The following DIAPH3 variants were observed in gnomAD, a reference collection of about 807,000 sequenced individuals.
The protein encoded by DIAPH3 is diaphanous related formin 3, also known as protein diaphanous homolog 3.
Under a neutral mutation model 144.3 loss-of-function variants are expected in DIAPH3, and 117 were observed. That is an observed-to-expected ratio of 0.81 (90% CI 0.70 to 0.95). The LOEUF (loss-of-function observed/expected upper bound fraction) is 0.95. Ranked by LOEUF, DIAPH3 falls within the 40% of genes least tolerant of loss-of-function variation. The pLI, the probability that DIAPH3 is intolerant of heterozygous loss-of-function variation, is 0.00. For missense variants in DIAPH3, 1,421 were observed against 1,412.7 expected (o/e 1.01, Z -0.09); for synonymous variants, 519 against 488.9 (o/e 1.06, Z -0.81).
At chr13:60,162,783 ACTCT>A (rs148955859) in intron 1 of DIAPH3, among the ~76,000 whole-genome samples, 3,910 of 132,802 alleles carry the variant, frequency 0.029, 158 homozygotes, top group African/African-American at 0.09. Context: ...CAAATGCTGT[ACTCT>A]CTCTCTCTCT....
In DIAPH3 at chr13:60,115,477, A is replaced by G. The variant is rs190706963; in HGVS notation, c.214-3291T>C. Reference sequence around the variant, plus strand: ...GTGACATTTTAAGTAGATACTCAACACACCTGAGCTCACCGGAATAGCAAC... The same window carrying G: ...GTGACATTTTAAGTAGATACTCAACGCACCTGAGCTCACCGGAATAGCAAC... On this transcript the variant is annotated intron_variant, in intron 2 of 27. Coordinates refer to ENST00000400324, the MANE Select transcript of DIAPH3 (RefSeq NM_001042517.2). Among the ~76,000 whole-genome samples the G allele has an allele frequency of 2.6e-5, 4 of 152,314 alleles. No individual in the cohort carries two copies. In the East Asian group the frequency reaches 7.7e-4, roughly 29 times the overall value.
intron 27 of DIAPH3, among the ~76,000 whole-genome samples, chr13:59,718,084 T>TACC (rs907082789): frequency 1.3e-5 from 2 of 151,032 alleles, no homozygotes; most frequent in African/African-American, 2.5e-5. Flanking sequence ...GTTTCAGACT[T>TACC]ATCACAACCT....
At chr13:59,929,551 G>GTTT (rs1733187385) in intron 17 of DIAPH3, among the ~76,000 whole-genome samples, 1 of 70,434 alleles carries the variant, frequency 1.4e-5, no homozygotes, top group African/African-American at 5.5e-5. Context: ...TCTAAATTTT[G>GTTT]TTCTTTTTTT....
rs56205887 is a variant in DIAPH3, at chr13:59,692,137, CTTT to C, written c.3320-25294_3320-25292del. 7.4e-4 allele frequency among the ~76,000 whole-genome samples: 43 copies of C among 58,184 alleles called. 1 individual carries two copies. Among genetic ancestry groups the C allele is most frequent in the Admixed American group, 3.3e-3 (14 of 4,272 alleles). The allele number at this position is 58,184 out of a possible 152,430, so 38.2% of individuals were successfully genotyped here. On this transcript the variant is annotated intron_variant, in intron 27 of 27. Transcript: ENST00000400324. ...AGATTACTCATAGCTTTGAGAAATT[CTTT>C]TTTTTTTTTTTTTTTTTTTTTTTTA...
intron 27 of DIAPH3, among the ~76,000 whole-genome samples, chr13:59,714,946 C>G (rs960872071): frequency 6.6e-6 from 1 of 151,644 alleles, no homozygotes; most frequent in African/African-American, 2.4e-5. Context: ...AGTCCATATT[C>G]TCCCTCTCCC....
chr13:59,978,577 A>C (rs1393004039), intron 14 of DIAPH3, among the ~76,000 whole-genome samples: 1 of 151,772 alleles, frequency 6.6e-6, no homozygotes, highest in Non-Finnish European at 1.5e-5. Flanking sequence ...ACTTGCTAAT[A>C]CTAAAGTAAC....
chr13:59,779,760 C>A (rs755292593), intron 25 of DIAPH3, among the ~76,000 whole-genome samples: 1 of 152,034 alleles, frequency 6.6e-6, no homozygotes, highest in African/African-American at 2.4e-5. Flanking sequence ...TATCTGCCAG[C>A]CTAGGCTTCC....
intron 20 of DIAPH3, among the ~76,000 whole-genome samples, chr13:59,885,897 A>G (rs554807445): frequency 9.9e-5 from 15 of 152,218 alleles, no homozygotes; most frequent in Non-Finnish European, 2.1e-4. Context: ...GCCTTCATTT[A>G]TGACTTCTGG....
At chr13:60,104,507 AGAGTGTAAAC>A (rs930162944) in intron 3 of DIAPH3, among the ~76,000 whole-genome samples, 3 of 151,906 alleles carry the variant, frequency 2.0e-5, no homozygotes, top group African/African-American at 7.3e-5. Flanking sequence ...GAATATGGGA[AGAGTGTAAAC>A]TATCTTAATT....
chr13:60,084,778 A>C (rs1180266612), intron 4 of DIAPH3, among the ~76,000 whole-genome samples: 1 of 152,110 alleles, frequency 6.6e-6, no homozygotes, highest in Non-Finnish European at 1.5e-5. Context: ...AAGCATTTGA[A>C]AAATTTTTGC....
At position 60,133,763 on chromosome 13, in the gene DIAPH3, G is replaced by C. The variant is rs527721105; in HGVS notation, c.181-774C>G. ...TTTTATAAGTCCCAGTGTCGGGAAA[G>C]ATATTGTATTCAAGTAACTGGAATC... On this transcript the variant is annotated intron_variant, in intron 1 of 27. Coordinates refer to ENST00000400324, the MANE Select transcript of DIAPH3 (RefSeq NM_001042517.2). Among the ~76,000 whole-genome samples the C allele has an allele frequency of 3.9e-5, 6 of 152,238 alleles. No homozygotes were observed. In the South Asian group the frequency reaches 8.3e-4, roughly 21 times the overall value.
intron 3 of DIAPH3, among the ~76,000 whole-genome samples, chr13:60,099,484 CAG>C (rs2058202778): frequency 6.6e-6 from 1 of 152,154 alleles, no homozygotes. Flanking sequence ...GCATGGCTGA[CAG>C]GGGAGCTGCA....
At chr13:59,687,860 T>TA (rs1465636721) in intron 27 of DIAPH3, among the ~76,000 whole-genome samples, 2 of 152,076 alleles carry the variant, frequency 1.3e-5, no homozygotes, top group African/African-American at 4.8e-5. Flanking sequence ...ATCCTATAGA[T>TA]ATTAACAACT....
chr13:59,961,751 T>C (rs1342525584), intron 17 of DIAPH3, among the ~76,000 whole-genome samples: 1 of 152,194 alleles, frequency 6.6e-6, no homozygotes, highest in Admixed American at 6.5e-5. Context: ...TTCTTTTAGC[T>C]GAAATTCACC....
chr13:59,839,348 A>G lies in DIAPH3; in HGVS notation c.2838T>C (p.His946=), dbSNP rs764840123. The change falls in exon 23 of 28, where the codon CAT becomes CAC. Residue 946 remains histidine, a synonymous_variant. Transcript: ENST00000400324. ...TGGACATCTTTGTCACAAACTTGTC[A>G]TGCAAGTCCTCAGGAGGGGGAAAGG... is the stretch of plus-strand genomic sequence containing the variant. ...LETFPPPEDL[H]DKFVTKMSRF... 5.0e-6 allele frequency: 8 copies of G among 1,613,674 alleles called. No homozygotes were observed. The South Asian group carries it at 8.8e-5, about 18-fold the overall frequency.
chr13:59,904,587 G>A lies in DIAPH3; in HGVS notation c.2367+7148C>T, dbSNP rs376821539. Reference sequence around the variant, plus strand: ...AGATCCTCTATTTAATCAAATTAAAGAATTAACCAACTGCTATTTTCCATG... The same window carrying A: ...AGATCCTCTATTTAATCAAATTAAAAAATTAACCAACTGCTATTTTCCATG... On this transcript the variant is annotated intron_variant, in intron 20 of 27. Coordinates refer to ENST00000400324, the MANE Select transcript of DIAPH3 (RefSeq NM_001042517.2). Among the ~76,000 whole-genome samples, 4 of 152,120 alleles carry A rather than the reference G, an allele frequency of 2.6e-5. No homozygotes were observed. In the East Asian group the frequency reaches 7.7e-4, roughly 29 times the overall value.
intron 25 of DIAPH3, among the ~76,000 whole-genome samples, chr13:59,809,270 G>T (rs1000251190): frequency 5.3e-5 from 8 of 152,296 alleles, no homozygotes; most frequent in African/African-American, 1.9e-4. Flanking sequence ...GGGAGGCTGA[G>T]GTGGGTGGGT....
chr13:59,722,435 G>C (rs1014689976), intron 27 of DIAPH3, among the ~76,000 whole-genome samples: 23 of 152,172 alleles, frequency 1.5e-4, no homozygotes, highest in African/African-American at 5.6e-4. Context: ...AACCACATCA[G>C]AGACCCCATG....
intron 27 of DIAPH3, among the ~76,000 whole-genome samples, chr13:59,769,307 CAA>C (rs1443386192): frequency 6.6e-6 from 1 of 152,020 alleles, no homozygotes; most frequent in Non-Finnish European, 1.5e-5. Flanking sequence ...ATGAGAAAAC[CAA>C]AGTCTTCTTT....
Sources: gnomAD v4.1 joint callset for allele counts (sites outside exome capture counted in the v4.1 genomes callset) on GRCh38, gnomAD v4.1.1 for gene constraint, MANE v1.5 for transcripts, NCBI Gene and HGNC (gene_info 2026-07-23, HGNC 2026-07-21) for gene names.